Variants in ABCA9 observed in about 807,000 individuals in gnomAD.
ABCA9 encodes ATP-binding cassette sub-family A member 9.
In ABCA9, 183 loss-of-function variants were observed where a neutral mutation model predicts 205.3. The ratio of observed to expected loss-of-function variants is 0.89; its 90% CI spans 0.79 to 1.01. The LOEUF is 1.01. Ranked by LOEUF, ABCA9 falls within the 50% of genes least tolerant of loss-of-function variation. ABCA9 has a pLI of 0.00. For synonymous variants in ABCA9, 651 were observed against 683.3 expected (o/e 0.95, Z 0.74); for missense variants, 1,805 against 1,912.4 (o/e 0.94, Z 1.05).
At position 69,027,113 on chromosome 17, in the gene ABCA9, A is replaced by G. The variant is rs1351492737; in HGVS notation, c.1913T>C (p.Val638Ala). ...FGIAILGDPQ[V>A]LLLDEPTAGL... is the part of the protein sequence containing the mutation. ...AGCAGTCGGTTCATCCAATAGCAAAACCTGGACAGGAGGAAAGTCCTAAAG... is the reference window on the plus strand; with the variant it reads ...AGCAGTCGGTTCATCCAATAGCAAAGCCTGGACAGGAGGAAAGTCCTAAAG... The change falls in exon 15 of 39, where the codon GTT (valine) becomes GCT (alanine). Residue 638 changes from valine (V) to alanine (A), a missense_variant and splice_region_variant. By Grantham distance (64) the Val-to-Ala change is moderately conservative. Transcript: ENST00000340001. 6.2e-7 allele frequency: 1 copy of G among 1,613,828 alleles called. No homozygotes were observed. Among genetic ancestry groups the G allele is most frequent in the Non-Finnish European group, 8.5e-7 (1 of 1,179,948 alleles).
intron 1 of ABCA9, among the ~76,000 whole-genome samples, chr17:69,058,568 C>T (rs9902504): frequency 0.059 from 9,037 of 152,202 alleles, 670 homozygotes; most frequent in African/African-American, 0.16. Context: ...GGCCAGGTAC[C>T]GTGGCTCATG....
At chr17:69,076,548 C>T in the ABCA9 span, among the ~76,000 whole-genome samples, 1 of 152,226 alleles carries the variant, frequency 6.6e-6, no homozygotes, top group Non-Finnish European at 1.5e-5. Flanking sequence ...ACGGAGTAGT[C>T]CCTCATCTGT....
At chr17:69,012,404 A>G (rs962749076) in intron 22 of ABCA9, 1 of 209,656 alleles carries the variant, frequency 4.8e-6, no homozygotes, top group Non-Finnish European at 9.5e-6. Context: ...TCTTACATGC[A>G]TTGCTTATAT....
At chr17:69,027,303 T>A in intron 14 of ABCA9, 27 bp downstream of exon 14, 1 of 1,608,696 alleles carries the variant, frequency 6.2e-7, no homozygotes, top group South Asian at 1.1e-5. Context: ...TCAATCTGAT[T>A]TCACCAGTAA....
In ABCA9 at chr17:69,018,436, T is replaced by C. The variant is rs768809294; in HGVS notation, c.2744A>G (p.His915Arg). The C allele has an allele frequency of 6.3e-7, 1 of 1,591,036 alleles. No homozygotes were observed. Among genetic ancestry groups the C allele is most frequent in the South Asian group, 1.1e-5 (1 of 87,156 alleles). Residue 915 changes from histidine (H) to arginine (R), a missense_variant, in exon 20 of 39, where the codon CAT (histidine) becomes CGT (arginine). By Grantham distance (29) the His-to-Arg change is conservative. Coordinates refer to ENST00000340001, the MANE Select transcript of ABCA9 (RefSeq NM_080283.4). ...ACCTGTCTTATTGATGACCAGTAAA[T>C]GGGTCAGAGGATCCTGTGGTTGTTG... is the stretch of plus-strand genomic sequence containing the variant. ...PGQQPQDPLTHLLVINKTGST... is the reference protein window; with the variant it reads ...PGQQPQDPLTRLLVINKTGST...
At chr17:69,074,320 A>G in the ABCA9 span, among the ~76,000 whole-genome samples, 1 of 152,186 alleles carries the variant, frequency 6.6e-6, no homozygotes, top group Non-Finnish European at 1.5e-5. Flanking sequence ...AGTATATTGC[A>G]TGATGCTGTG....
rs1166157305 is a variant in ABCA9 at position 69,023,591 on chromosome 17, CA to C, written c.2281+622del. Among the ~76,000 whole-genome samples, 1 of 152,148 alleles carries C rather than the reference CA, an allele frequency of 6.6e-6. No homozygotes were observed. The highest frequency in any genetic ancestry group is 2.4e-5 in the African/African-American group (1 of 41,426). On this transcript the variant is annotated intron_variant, in intron 17 of 38. Transcript: ENST00000340001. This position sits in a 1 kb window ranked among gnomAD's most constrained non-coding sequence, Gnocchi z 4.2. ...GTATAATTTCTTGAACTTGATATGG[CA>C]AACACATTTTTACAGAGTAAACTTA...
chr17:69,041,957 A>G (rs1192823146), intron 6 of ABCA9, among the ~76,000 whole-genome samples: 3 of 152,198 alleles, frequency 2.0e-5, no homozygotes, highest in Non-Finnish European at 4.4e-5. Flanking sequence ...TTGAAAGCCT[A>G]TGTAGCATAC....
intron 23 of ABCA9, among the ~76,000 whole-genome samples, chr17:69,009,861 G>T (rs1024910747): frequency 6.6e-6 from 1 of 152,118 alleles, no homozygotes; most frequent in African/African-American, 2.4e-5. Context: ...CATTGACATC[G>T]TGGGGTTGCC....
intron 15 of ABCA9, among the ~76,000 whole-genome samples, 183 bp from the exon 16 acceptor site, chr17:69,026,650 T>G (rs973563310): frequency 1.3e-5 from 2 of 152,342 alleles, no homozygotes; most frequent in African/African-American, 4.8e-5. Flanking sequence ...TGATAAATTA[T>G]GTCAACTTAT....
At chr17:68,985,321 A>T (rs1377853372) in intron 32 of ABCA9, among the ~76,000 whole-genome samples, 193 bp from the exon 33 acceptor site, 1 of 152,144 alleles carries the variant, frequency 6.6e-6, no homozygotes, top group Non-Finnish European at 1.5e-5. Flanking sequence ...ATGTCTTTCC[A>T]TATTAAGAAT....
At chr17:69,012,808 G>A (rs1321158820) in intron 22 of ABCA9, among the ~76,000 whole-genome samples, 1 of 152,046 alleles carries the variant, frequency 6.6e-6, no homozygotes, top group East Asian at 1.9e-4. Context: ...ACCCTGTTGT[G>A]CTATAAAATA....
upstream of ABCA9, among the ~76,000 whole-genome samples, chr17:69,063,936 A>T (rs2072315445): frequency 6.6e-6 from 1 of 152,186 alleles, no homozygotes; most frequent in African/African-American, 2.4e-5. Flanking sequence ...TTTGCCTTGA[A>T]ATATCCTTTG....
At chr17:69,030,169 G>T (rs2071112488) in intron 10 of ABCA9, among the ~76,000 whole-genome samples, 1 of 152,228 alleles carries the variant, frequency 6.6e-6, no homozygotes, top group South Asian at 2.1e-4. Context: ...GTATTCGCCT[G>T]CTTGGGCTGC....
At position 69,043,366 on chromosome 17, in the gene ABCA9, A is replaced by C. The variant is rs979398735; in HGVS notation, c.800+123T>G. 3.8e-4 allele frequency: 257 copies of C among 685,026 alleles called. 2 individuals carry two copies. The highest frequency in any genetic ancestry group is 7.0e-5 in the Non-Finnish European group (29 of 414,746). 42.4% of individuals were successfully genotyped at this position (685,026 alleles called of 1,614,324 possible). A position where few individuals can be genotyped will look rare whatever the true frequency, so the allele number is the denominator to read the frequency against. On this transcript the variant is annotated intron_variant, in intron 6 of 38. Coordinates refer to ENST00000340001, the MANE Select transcript of ABCA9 (RefSeq NM_080283.4). ...CCTCCTGCTATGTGGCCTGGTACCT[A>C]ACTGGCCATGGACCAGTAGCAGTCT...
At chr17:68,980,072 TCAAA>T (rs1323431504) in intron 37 of ABCA9, among the ~76,000 whole-genome samples, 2 of 151,898 alleles carry the variant, frequency 1.3e-5, no homozygotes, top group African/African-American at 4.8e-5. Context: ...TACAATGAAC[TCAAA>T]CAAATTTACA....
At chr17:69,010,035 T>G (rs1488208147) in intron 23 of ABCA9, among the ~76,000 whole-genome samples, 3 of 152,102 alleles carry the variant, frequency 2.0e-5, no homozygotes, top group Admixed American at 2.0e-4. Context: ...CAAAAATAGC[T>G]CTTAGGTTTC....
chr17:69,050,348 A>G (rs984309576), intron 2 of ABCA9, among the ~76,000 whole-genome samples: 2 of 50,200 alleles, frequency 4.0e-5, no homozygotes, highest in African/African-American at 1.0e-4. Context: ...ACACGAACAC[A>G]CACACACACA....
At chr17:69,048,462 C>T (rs12103736) in intron 3 of ABCA9, among the ~76,000 whole-genome samples, 9,033 of 152,182 alleles carry the variant, frequency 0.059, 666 homozygotes, top group African/African-American at 0.16. Context: ...TTGGCATAAC[C>T]GATCAGGTCT....
Sources: allele counts gnomAD v4.1 joint callset (sites outside exome capture counted in the v4.1 genomes callset), GRCh38; gene constraint gnomAD v4.1.1; non-coding constraint Gnocchi (gnomAD v3.1); transcripts MANE v1.5; gene names NCBI Gene and HGNC (gene_info 2026-07-23, HGNC 2026-07-21).